CNTNAP3B: variants seen among roughly 807,000 people sequenced by gnomAD.
The protein encoded by CNTNAP3B is contactin associated protein family member 3B.
A neutral mutation model predicts 108.9 loss-of-function variants in CNTNAP3B; 25 were observed. The observed-to-expected ratio is 0.23, with a 90% CI of 0.17 to 0.32. The LOEUF is 0.32. Among genes scored for constraint, CNTNAP3B ranks in the 10% least tolerant of loss-of-function variants. The pLI is 1.00. For synonymous variants in CNTNAP3B, 103 were observed against 473.4 expected (o/e 0.22, Z 10.16); for missense variants, 252 against 1,210.4 (o/e 0.21, Z 11.75).
intron 10 of CNTNAP3B, among the ~76,000 whole-genome samples, chr9:41,968,367 G>A (rs1355593824): frequency 1.4e-5 from 2 of 140,484 alleles, no homozygotes; most frequent in South Asian, 2.3e-4. Flanking sequence ...TATTAAGTGA[G>A]CAAATGGCCA....
intron 2 of CNTNAP3B, among the ~76,000 whole-genome samples, chr9:42,078,486 A>T (rs76314225): frequency 3.8e-5 from 4 of 104,376 alleles, no homozygotes; most frequent in South Asian, 6.5e-4. Flanking sequence ...CATATATATA[A>T]ATATAATTTT....
intron 11 of CNTNAP3B, among the ~76,000 whole-genome samples, chr9:41,963,616 G>A (rs866981209): frequency 0.011 from 1,606 of 151,232 alleles, no homozygotes; most frequent in South Asian, 0.041. Context: ...GAGACTCGGG[G>A]CCCCATCTCC....
chr9:42,031,268 AC>A (rs1826519379), intron 3 of CNTNAP3B, among the ~76,000 whole-genome samples: 1 of 124,124 alleles, frequency 8.1e-6, no homozygotes, highest in Admixed American at 8.2e-5. Context: ...CATCTCCTGC[AC>A]CCCGTACTTT....
intron 3 of CNTNAP3B, among the ~76,000 whole-genome samples, chr9:42,054,447 G>A (rs1827017358): frequency 6.6e-6 from 1 of 151,498 alleles, no homozygotes; most frequent in Non-Finnish European, 1.5e-5. Flanking sequence ...CAGCCTTATA[G>A]TGCGTGACTG....
In CNTNAP3B at chr9:41,939,640, T is replaced by A. The variant is rs1824272398; in HGVS notation, c.2081-1240A>T. 3.3e-5 allele frequency among the ~76,000 whole-genome samples: 5 copies of A among 152,400 alleles called. No individual in the cohort carries two copies. In the South Asian group the frequency reaches 8.3e-4, roughly 25 times the overall value. On this transcript the variant is annotated intron_variant, in intron 13 of 23. Coordinates refer to ENST00000377561, the MANE Select transcript of CNTNAP3B (RefSeq NM_001201380.3). ...AAAAATTAATACACTCTTCTCGGAA[T>A]GCCACTTTAAAAGTTACCGACTTCA...
chr9:41,948,255 C>A (rs1824583361), intron 13 of CNTNAP3B, among the ~76,000 whole-genome samples: 1 of 148,528 alleles, frequency 6.7e-6, no homozygotes, highest in Non-Finnish European at 1.5e-5. Context: ...CCACACCCAA[C>A]TAATTTTTGT....
At chr9:41,947,459 C>T (rs1444132090) in intron 13 of CNTNAP3B, among the ~76,000 whole-genome samples, 19 of 152,246 alleles carry the variant, frequency 1.2e-4, no homozygotes, top group Admixed American at 1.0e-3. Context: ...TATTAAAATA[C>T]TTAAATGAAA....
At chr9:42,087,053 A>T (rs1193785645) in intron 2 of CNTNAP3B, among the ~76,000 whole-genome samples, 2 of 139,064 alleles carry the variant, frequency 1.4e-5, no homozygotes, top group Non-Finnish European at 3.1e-5. Context: ...TCTACATTTA[A>T]GTATTTTATT....
At chr9:41,931,488 G>A (rs1425612697) in intron 14 of CNTNAP3B, among the ~76,000 whole-genome samples, 1 of 152,274 alleles carries the variant, frequency 6.6e-6, no homozygotes, top group Admixed American at 6.5e-5. Flanking sequence ...TTTCAAATTG[G>A]AAAATATAAA....
intron 2 of CNTNAP3B, among the ~76,000 whole-genome samples, chr9:42,099,259 T>C (rs1212299147): frequency 1.6e-5 from 2 of 124,124 alleles, no homozygotes; most frequent in Non-Finnish European, 3.4e-5. Flanking sequence ...GGCAGCATAA[T>C]GGCCTCATTA....
At chr9:42,044,538 C>A (rs1826828733) in intron 3 of CNTNAP3B, among the ~76,000 whole-genome samples, 1 of 103,902 alleles carries the variant, frequency 9.6e-6, no homozygotes, top group African/African-American at 3.6e-5. Context: ...TTTATTAAAC[C>A]AGAACACCGG....
At position 42,037,341 on chromosome 9, in the gene CNTNAP3B, G is replaced by A. The variant is rs1196366635; in HGVS notation, c.391-23816C>T. 7.8e-5 allele frequency among the ~76,000 whole-genome samples: 9 copies of A among 115,976 alleles called. 1 individual carries two copies. The highest frequency in any genetic ancestry group is 1.6e-4 in the Non-Finnish European group (9 of 55,880). 76.1% of individuals were successfully genotyped at this position (115,976 alleles called of 152,430 possible). A position where few individuals can be genotyped will look rare whatever the true frequency, so the allele number is the denominator to read the frequency against. Reference sequence around the variant, plus strand: ...TAATAACAAACTTCTCTGAGCTAAAGGAGGATGTTCGAACCCACTGCAAAG... The same window carrying A: ...TAATAACAAACTTCTCTGAGCTAAAAGAGGATGTTCGAACCCACTGCAAAG... On this transcript the variant is annotated intron_variant, in intron 3 of 23. Coordinates refer to ENST00000377561, the MANE Select transcript of CNTNAP3B (RefSeq NM_001201380.3).
chr9:42,056,353 ATTATTATT>A (rs1448953206), intron 3 of CNTNAP3B, among the ~76,000 whole-genome samples: 1 of 139,086 alleles, frequency 7.2e-6, no homozygotes, highest in African/African-American at 2.7e-5. Flanking sequence ...TATTATTATT[ATTATTATT>A]ATTATTTGAG....
intron 9 of CNTNAP3B, among the ~76,000 whole-genome samples, chr9:41,972,926 C>A (rs1192903988): frequency 4.6e-5 from 5 of 108,740 alleles, no homozygotes; most frequent in African/African-American, 1.4e-4. Flanking sequence ...TGACACATAA[C>A]TTAGGTTATC....
At chr9:42,109,752 C>T (rs1159814778) in intron 1 of CNTNAP3B, among the ~76,000 whole-genome samples, 1 of 138,374 alleles carries the variant, frequency 7.2e-6, no homozygotes, top group Non-Finnish European at 1.5e-5. Flanking sequence ...TCCCGGGACC[C>T]TGTGAAGGTT....
intron 1 of CNTNAP3B, among the ~76,000 whole-genome samples, chr9:42,109,682 G>T (rs1388761547): frequency 1.4e-5 from 2 of 141,464 alleles, no homozygotes; most frequent in Non-Finnish European, 3.0e-5. Flanking sequence ...TATCAGAGAT[G>T]AATCTTACAT....
At chr9:41,983,831 C>G (rs1167311873) in intron 9 of CNTNAP3B, 1 of 89,322 alleles carries the variant, frequency 1.1e-5, no homozygotes, top group Non-Finnish European at 2.3e-5. Flanking sequence ...GGTCGAATCA[C>G]AAGGTCAGGA....
intron 14 of CNTNAP3B, among the ~76,000 whole-genome samples, chr9:41,935,766 C>T (rs1203073699): frequency 1.3e-5 from 2 of 152,270 alleles, no homozygotes; most frequent in Non-Finnish European, 2.9e-5. Context: ...CACAATGCTC[C>T]CTTCTGAATG....
At chr9:41,943,100 G>T (rs1824411073) in intron 13 of CNTNAP3B, among the ~76,000 whole-genome samples, 2 of 152,264 alleles carry the variant, frequency 1.3e-5, no homozygotes, top group African/African-American at 4.8e-5. Context: ...TGAAAAAGTG[G>T]GCAACATGCA....
Sources: allele counts gnomAD v4.1 joint callset (sites outside exome capture counted in the v4.1 genomes callset), GRCh38; gene constraint gnomAD v4.1.1; transcripts MANE v1.5; gene names NCBI Gene and HGNC (gene_info 2026-07-23, HGNC 2026-07-21).